SORCS2: variants seen among roughly 807,000 people sequenced by gnomAD.
SORCS2 encodes sortilin related VPS10 domain containing receptor 2, also known as VPS10 domain-containing receptor SorCS2.
SORCS2 carries 100 observed loss-of-function variants against 141.6 expected under a neutral mutation model. The observed-to-expected ratio is 0.71, with a 90% confidence interval of 0.60 to 0.83. The LOEUF (loss-of-function observed/expected upper bound fraction) is 0.83, where lower values mean the gene tolerates loss of function less well. Ranked by LOEUF, SORCS2 falls within the 40% of genes least tolerant of loss-of-function variation. The pLI is 0.00. For missense variants in SORCS2, 1,646 were observed against 1,560.2 expected (o/e 1.05, Z -0.93); for synonymous variants, 789 against 676.9 (o/e 1.17, Z -2.57).
intron 1 of SORCS2, among the ~76,000 whole-genome samples, chr4:7,376,673 A>G (rs6842190): frequency 0.7 from 105,920 of 151,770 alleles, 37,241 homozygotes; most frequent in East Asian, 0.94. Flanking sequence ...TTTTCTGCGC[A>G]TGTCTATGTG....
intron 1 of SORCS2, among the ~76,000 whole-genome samples, chr4:7,331,511 C>T (rs1326130976): frequency 3.3e-5 from 5 of 152,130 alleles, no homozygotes; most frequent in Non-Finnish European, 5.9e-5. Flanking sequence ...GCTGATGCCT[C>T]AGTTCAGCCA....
chr4:7,492,310 T>A (rs1422235936), intron 2 of SORCS2, among the ~76,000 whole-genome samples: 1 of 152,238 alleles, frequency 6.6e-6, no homozygotes, highest in Non-Finnish European at 1.5e-5. Flanking sequence ...AAGTTGAACC[T>A]ATGAGGTCGC....
intron 2 of SORCS2, among the ~76,000 whole-genome samples, chr4:7,501,275 C>A (rs925051183): frequency 6.6e-6 from 1 of 152,236 alleles, no homozygotes; most frequent in Admixed American, 6.5e-5. Flanking sequence ...TACAAAGAAC[C>A]TTGCTCTGTT....
intron 3 of SORCS2, among the ~76,000 whole-genome samples, chr4:7,632,369 C>T (rs570598781): frequency 1.3e-5 from 2 of 152,282 alleles, no homozygotes; most frequent in Non-Finnish European, 2.9e-5. Flanking sequence ...AAAAATACAC[C>T]ATTTAAAATA....
At chr4:7,405,338 C>T (rs1471958298) in intron 2 of SORCS2, among the ~76,000 whole-genome samples, 1 of 151,926 alleles carries the variant, frequency 6.6e-6, no homozygotes, top group Non-Finnish European at 1.5e-5. Context: ...GCTATGTGGG[C>T]TCTTTTTGGG....
At chr4:7,533,494 G>C (rs7683079) in intron 3 of SORCS2, among the ~76,000 whole-genome samples, 1 of 152,184 alleles carries the variant, frequency 6.6e-6, no homozygotes, top group African/African-American at 2.4e-5. Flanking sequence ...ATCTGGTCCT[G>C]GTGGCCTTCC....
At chr4:7,697,830 C>G (rs775541567) in intron 12 of SORCS2, among the ~76,000 whole-genome samples, 1 of 151,980 alleles carries the variant, frequency 6.6e-6, no homozygotes, top group Non-Finnish European at 1.5e-5. Flanking sequence ...TCCCAGGGCC[C>G]GAGAAGAGAA....
chr4:7,195,803 T>C (rs1440060654), intron 1 of SORCS2, among the ~76,000 whole-genome samples: 1 of 152,208 alleles, frequency 6.6e-6, no homozygotes, highest in Non-Finnish European at 1.5e-5. Flanking sequence ...GAAAGCACCA[T>C]CTTTGAAAGC....
chr4:7,709,724 C>A (rs1043414599), intron 14 of SORCS2, among the ~76,000 whole-genome samples: 2 of 152,180 alleles, frequency 1.3e-5, no homozygotes, highest in Non-Finnish European at 1.5e-5. Flanking sequence ...CTGTTTGGTA[C>A]AAATCTGCCC....
At chr4:7,573,158 C>T (rs1479795825) in intron 3 of SORCS2, among the ~76,000 whole-genome samples, 1 of 152,176 alleles carries the variant, frequency 6.6e-6, no homozygotes, top group Non-Finnish European at 1.5e-5. Context: ...GAAAAATGCG[C>T]AATCCACCTT....
intron 21 of SORCS2, among the ~76,000 whole-genome samples, chr4:7,727,121 A>T (rs535154546): frequency 6.6e-6 from 1 of 152,298 alleles, no homozygotes; most frequent in Admixed American, 6.5e-5. Context: ...TCTGTAAAAT[A>T]AATACTGACA....
chr4:7,691,702 A>T (rs1724265917), intron 11 of SORCS2, among the ~76,000 whole-genome samples: 1 of 151,886 alleles, frequency 6.6e-6, no homozygotes, highest in Non-Finnish European at 1.5e-5. Flanking sequence ...CTCACCACCC[A>T]CGTTAGACAC....
intron 3 of SORCS2, among the ~76,000 whole-genome samples, chr4:7,621,391 TTA>T (rs1187829601): frequency 6.6e-6 from 1 of 151,594 alleles, no homozygotes; most frequent in African/African-American, 2.4e-5. Context: ...GTGTGAGTGT[TTA>T]TGTGTGTGTC....
chr4:7,677,755 A>T (rs1317826557), intron 9 of SORCS2, among the ~76,000 whole-genome samples: 3 of 152,054 alleles, frequency 2.0e-5, no homozygotes, highest in Non-Finnish European at 2.9e-5. Flanking sequence ...ATAATAACCC[A>T]TTTGTCAGGG....
At chr4:7,344,222 A>G (rs929172928) in intron 1 of SORCS2, among the ~76,000 whole-genome samples, 2 of 152,146 alleles carry the variant, frequency 1.3e-5, no homozygotes, top group African/African-American at 4.8e-5. Context: ...AGGGCCTGGG[A>G]TGGAAGGTCT....
At position 7,718,066 on chromosome 4, in the gene SORCS2, T is replaced by C. The variant is rs1726313672; in HGVS notation, c.2307T>C (p.Ser769=). The change falls in exon 18 of 27, where the codon AGT becomes AGC. Residue 769 remains serine (S), a synonymous_variant. Transcript: ENST00000507866. ...AGGGTGGGGTGGACATGCAGCAGAG[T>C]CAGGTGCAGCTGCAGTGCCCCCTCA... ...VCEGGVDMQQ[S]QVQLQCPLTP... 7 of 1,610,582 alleles carry C rather than the reference T, an allele frequency of 4.3e-6. No homozygotes were observed. In the East Asian group the frequency reaches 1.6e-4, roughly 36 times the overall value.
intron 2 of SORCS2, among the ~76,000 whole-genome samples, chr4:7,417,249 G>A (rs1349713822): frequency 6.6e-6 from 1 of 152,160 alleles, no homozygotes; most frequent in Non-Finnish European, 1.5e-5. Flanking sequence ...CAGGGATGAT[G>A]CTCTTTTTAT....
At chr4:7,340,147 G>T (rs1720278679) in intron 1 of SORCS2, among the ~76,000 whole-genome samples, 1 of 152,252 alleles carries the variant, frequency 6.6e-6, no homozygotes, top group South Asian at 2.1e-4. Context: ...TACACAGGTT[G>T]ACAATGAGGC....
At chr4:7,256,771 C>T (rs1301997380) in intron 1 of SORCS2, among the ~76,000 whole-genome samples, 2 of 131,790 alleles carry the variant, frequency 1.5e-5, no homozygotes, top group African/African-American at 3.0e-5. Flanking sequence ...GGAAAGGGGG[C>T]GTCCAGCATG....
Sources: gnomAD v4.1 joint callset for allele counts (sites outside exome capture counted in the v4.1 genomes callset) on GRCh38, gnomAD v4.1.1 for gene constraint, MANE v1.5 for transcripts, NCBI Gene and HGNC (gene_info 2026-07-23, HGNC 2026-07-21) for gene names.